The following NMBR variants were observed in gnomAD, a reference collection of about 807,000 sequenced individuals.
NMBR encodes the protein neuromedin-B receptor.
NMBR carries 16 observed loss-of-function variants against 20.5 expected under a neutral mutation model. That is an observed-to-expected ratio of 0.78 (90% CI 0.53 to 1.19). The LOEUF is 1.19. Ranked by LOEUF, NMBR falls within the 50% of genes most tolerant of loss-of-function variation. The pLI, the probability that NMBR is intolerant of heterozygous loss-of-function variation, is 0.00. For missense variants in NMBR, 582 were observed against 499.1 expected (o/e 1.17, Z -1.58); for synonymous variants, 212 against 196.6 (o/e 1.08, Z -0.65).
In NMBR at chr6:142,129,389, T is replaced by C. The variant is rs11963546; in HGVS notation, c.-664+17655A>G. On this transcript the variant is annotated intron_variant, in intron 1 of 3. Transcript: ENST00000258042. ...AAATTTTGCCCACTTACTCAGAAAA[T>C]TTATAAATGTATCCTGGTCATTTTA... 3.0e-3 allele frequency among the ~76,000 whole-genome samples: 455 copies of C among 152,134 alleles called. 5 individuals carry two copies. The highest frequency in any genetic ancestry group is 0.01 in the African/African-American group (433 of 41,510).
intron 1 of NMBR, among the ~76,000 whole-genome samples, chr6:142,132,395 G>C (rs530337880): frequency 6.4e-4 from 97 of 152,264 alleles, no homozygotes; most frequent in African/African-American, 2.2e-3. Context: ...TCTGCTGAAG[G>C]ACAAAAGAAA....
chr6:142,088,316 C>T lies in NMBR; in HGVS notation c.343G>A (p.Gly115Ser). The T allele has an allele frequency of 6.2e-7, 1 of 1,614,108 alleles. No individual in the cohort carries two copies. The highest frequency in any genetic ancestry group is 1.3e-5 in the African/African-American group (1 of 75,032). Residue 115 changes from glycine to serine, a missense_variant, in exon 2 of 4, where the codon GGC (glycine) becomes AGC (serine). Coordinates refer to ENST00000258042, the MANE Select transcript of NMBR (RefSeq NM_002511.4). ...FFDEWMFGKV[G>S]CKLIPVIQLT... is the part of the protein sequence containing the mutation. ...TGGATGACAGGGATCAGTTTGCAGC[C>T]CACCTTGCCAAACATCCACTCGTCG...
At chr6:142,079,126 G>GAAAGAAAGAAAAAGA (rs11451074) in intron 2 of NMBR, among the ~76,000 whole-genome samples, 1 of 103,278 alleles carries the variant, frequency 9.7e-6, no homozygotes, top group African/African-American at 4.5e-5. Flanking sequence ...AAGAAAGAAA[G>GAAAGAAAGAAAAAGA]AAGAAAGAAA....
intron 1 of NMBR, among the ~76,000 whole-genome samples, chr6:142,115,519 C>G (rs1777835804): frequency 6.6e-6 from 1 of 151,934 alleles, no homozygotes; most frequent in Non-Finnish European, 1.5e-5. Context: ...AAGGAAACAA[C>G]AGAGTCAAAA....
At chr6:142,099,009 T>C (rs1777510549) in intron 1 of NMBR, among the ~76,000 whole-genome samples, 2 of 152,122 alleles carry the variant, frequency 1.3e-5, no homozygotes. Context: ...CCCACATAAA[T>C]ACAGCCAACT....
intron 1 of NMBR, among the ~76,000 whole-genome samples, chr6:142,136,640 A>C (rs1215264049): frequency 6.6e-6 from 1 of 152,214 alleles, no homozygotes; most frequent in Non-Finnish European, 1.5e-5. Flanking sequence ...TCTAACATTT[A>C]AGTCTTTAAA....
At chr6:142,078,943 GGAAAGAAAAAAGA>G in intron 2 of NMBR, 40 bp from the exon 3 acceptor site, 1 of 1,227,224 alleles carries the variant, frequency 8.1e-7, no homozygotes, top group Non-Finnish European at 1.1e-6. Flanking sequence ...CAGAAAGAAA[GGAAAGAAAAAAGA>G]GAAAGAAAAG....
intron 1 of NMBR, among the ~76,000 whole-genome samples, chr6:142,090,046 T>C (rs1456168556): frequency 2.6e-5 from 4 of 152,308 alleles, no homozygotes; most frequent in African/African-American, 9.6e-5. Flanking sequence ...TGCTTATGAT[T>C]GAGTAATGCC....
At chr6:142,129,256 C>T (rs1391372799) in intron 1 of NMBR, among the ~76,000 whole-genome samples, 1 of 151,968 alleles carries the variant, frequency 6.6e-6, no homozygotes, top group Admixed American at 6.6e-5. Flanking sequence ...ATGTCAGCAA[C>T]TTTTTGTACT....
intron 1 of NMBR, among the ~76,000 whole-genome samples, chr6:142,108,833 T>C (rs963478429): frequency 1.4e-4 from 22 of 152,184 alleles, no homozygotes; most frequent in African/African-American, 5.1e-4. Context: ...ATTCTAGCAT[T>C]AACCAAAAAG....
chr6:142,077,742 G>T (rs1330584055), intron 3 of NMBR, among the ~76,000 whole-genome samples: 1 of 152,076 alleles, frequency 6.6e-6, no homozygotes, highest in Admixed American at 6.6e-5. Context: ...CAATTTCTTT[G>T]CCTTTAATTT....
chr6:142,091,372 C>T (rs1777320243), intron 1 of NMBR, among the ~76,000 whole-genome samples: 2 of 152,086 alleles, frequency 1.3e-5, no homozygotes, highest in Non-Finnish European at 1.5e-5. Context: ...CGCAAGTGTG[C>T]CCCACCATGC....
chr6:142,113,130 A>G (rs1023787372), intron 1 of NMBR, among the ~76,000 whole-genome samples: 4 of 152,120 alleles, frequency 2.6e-5, no homozygotes, highest in Admixed American at 6.6e-5. Flanking sequence ...TTTAGGCTCA[A>G]TTAAGCTTAG....
intron 1 of NMBR, among the ~76,000 whole-genome samples, chr6:142,097,387 A>T (rs1293174075): frequency 1.3e-5 from 2 of 151,764 alleles, no homozygotes; most frequent in East Asian, 3.9e-4. Flanking sequence ...CTCTATTTAT[A>T]TCTGGTCTAC....
chr6:142,143,064 G>C (rs930519010), intron 1 of NMBR, among the ~76,000 whole-genome samples: 5 of 152,014 alleles, frequency 3.3e-5, no homozygotes, highest in Admixed American at 3.3e-4. Flanking sequence ...TAGCCTGGGG[G>C]ACGGAACAAG....
chr6:142,111,300 G>A (rs1365304519), intron 1 of NMBR, among the ~76,000 whole-genome samples: 2 of 151,494 alleles, frequency 1.3e-5, no homozygotes, highest in Non-Finnish European at 2.9e-5. Context: ...CACAGGCTTA[G>A]CCTTTATACC....
intron 1 of NMBR, among the ~76,000 whole-genome samples, chr6:142,108,749 C>A (rs578196728): frequency 6.6e-6 from 1 of 152,226 alleles, no homozygotes; most frequent in East Asian, 1.9e-4. Context: ...CTGCCCCTGG[C>A]CCCTTCCAAA....
intron 2 of NMBR, among the ~76,000 whole-genome samples, chr6:142,082,831 A>C (rs1777125847): frequency 6.6e-6 from 1 of 152,190 alleles, no homozygotes; most frequent in South Asian, 2.1e-4. Context: ...TTTGCAAATA[A>C]GGAAAGCACC....
intron 1 of NMBR, among the ~76,000 whole-genome samples, chr6:142,118,798 A>T (rs2114596056): frequency 6.6e-6 from 1 of 152,132 alleles, no homozygotes; most frequent in South Asian, 2.1e-4. Flanking sequence ...CAAGTCTCAC[A>T]AAGGGTGAGA....
Sources: allele counts gnomAD v4.1 joint callset (sites outside exome capture counted in the v4.1 genomes callset), GRCh38; gene constraint gnomAD v4.1.1; transcripts MANE v1.5; gene names NCBI Gene and HGNC (gene_info 2026-07-23, HGNC 2026-07-21).